Variants in OLFM3 observed in about 807,000 individuals in gnomAD.
The protein encoded by OLFM3 is olfactomedin 3, also known as noelin-3.
A neutral mutation model predicts 48.6 loss-of-function variants in OLFM3; 20 were observed. The observed-to-expected ratio is 0.41, with a 90% CI of 0.29 to 0.60. OLFM3 has a LOEUF of 0.60. Ranked by LOEUF, OLFM3 falls within the 20% of genes least tolerant of loss-of-function variation. The pLI, the probability that OLFM3 is intolerant of heterozygous loss-of-function variation, is 0.28. For missense variants in OLFM3, 437 were observed against 544.3 expected, an observed-to-expected ratio of 0.80 and a Z score of 1.96; for synonymous variants, 222 against 198.1, an observed-to-expected ratio of 1.12 and a Z score of -1.01.
At chr1:101,832,067 T>A (rs1017557831) in intron 2 of OLFM3, among the ~76,000 whole-genome samples, 4 of 152,154 alleles carry the variant, frequency 2.6e-5, no homozygotes, top group African/African-American at 9.7e-5. Context: ...TACGCCTGGC[T>A]AATTTTCGTA....
At chr1:101,812,116 A>G (rs1446843237) in intron 4 of OLFM3, among the ~76,000 whole-genome samples, 3 of 151,712 alleles carry the variant, frequency 2.0e-5, no homozygotes, top group Non-Finnish European at 2.9e-5. Context: ...GTTCTCACTC[A>G]TAGGTGGGAG....
chr1:101,820,914 T>C (rs1654579181), intron 4 of OLFM3, among the ~76,000 whole-genome samples: 2 of 152,134 alleles, frequency 1.3e-5, no homozygotes, highest in Non-Finnish European at 2.9e-5. Flanking sequence ...AGCATTTGTG[T>C]AGAGTGAAGA....
chr1:101,945,017 A>G (rs1276517555), intron 1 of OLFM3, among the ~76,000 whole-genome samples: 2 of 152,242 alleles, frequency 1.3e-5, no homozygotes, highest in Non-Finnish European at 1.5e-5. Flanking sequence ...TTTAGAATAC[A>G]TAAAATTATA....
chr1:101,825,398 G>A (rs570174434), intron 3 of OLFM3, among the ~76,000 whole-genome samples, 153 bp from the exon 4 acceptor site: 12 of 152,220 alleles, frequency 7.9e-5, no homozygotes, highest in African/African-American at 2.6e-4. Context: ...GAAAATTTAA[G>A]CGGTCATGTG....
At chr1:101,926,783 A>T (rs1229506565) in intron 1 of OLFM3, among the ~76,000 whole-genome samples, 2 of 152,158 alleles carry the variant, frequency 1.3e-5, no homozygotes, top group Non-Finnish European at 2.9e-5. Context: ...TACACTTCAC[A>T]ATAGGGTAGA....
chr1:101,890,106 A>G (rs1225882701), intron 1 of OLFM3, among the ~76,000 whole-genome samples: 1 of 152,066 alleles, frequency 6.6e-6, no homozygotes, highest in Non-Finnish European at 1.5e-5. Context: ...ATCTTGGAAA[A>G]TAATAGCTTT....
intron 1 of OLFM3, among the ~76,000 whole-genome samples, chr1:101,992,885 T>C (rs1285960042): frequency 2.0e-5 from 3 of 152,174 alleles, no homozygotes; most frequent in African/African-American, 4.8e-5. Context: ...TGGGTTGCCT[T>C]GGACAGAAAC....
At chr1:101,910,480 AAAAAG>A (rs1461198233) in intron 1 of OLFM3, among the ~76,000 whole-genome samples, 1 of 148,694 alleles carries the variant, frequency 6.7e-6, no homozygotes, top group Non-Finnish European at 1.5e-5. Flanking sequence ...GAAAAAAAAA[AAAAAG>A]AAAGAAGAAA....
At chr1:101,960,531 T>A (rs751002005) in intron 1 of OLFM3, among the ~76,000 whole-genome samples, 4 of 152,184 alleles carry the variant, frequency 2.6e-5, no homozygotes, top group Non-Finnish European at 5.9e-5. Flanking sequence ...TATTTGCCAA[T>A]CATATGAGCT....
At chr1:101,943,210 T>A (rs924434013) in intron 1 of OLFM3, among the ~76,000 whole-genome samples, 6 of 152,212 alleles carry the variant, frequency 3.9e-5, no homozygotes, top group Non-Finnish European at 8.8e-5. Context: ...ATAATCCGGA[T>A]GAGCCTGAAT....
chr1:101,875,048 T>A (rs542482168), intron 1 of OLFM3, among the ~76,000 whole-genome samples: 2 of 152,104 alleles, frequency 1.3e-5, no homozygotes, highest in East Asian at 3.9e-4. Context: ...GACCTCATAG[T>A]CCTGGCTAAA....
chr1:101,816,083 CACT>C (rs1417040643), intron 4 of OLFM3, among the ~76,000 whole-genome samples: 1 of 152,044 alleles, frequency 6.6e-6, no homozygotes, highest in East Asian at 1.9e-4. Context: ...TGAAAAACAC[CACT>C]AAGATGTCTA....
At chr1:101,923,964 G>A (rs2101040990) in intron 1 of OLFM3, among the ~76,000 whole-genome samples, 1 of 152,160 alleles carries the variant, frequency 6.6e-6, no homozygotes, top group South Asian at 2.1e-4. Flanking sequence ...AATGTATTGA[G>A]GATTAAAATT....
At chr1:101,977,044 G>GAT (rs1460806439) in intron 1 of OLFM3, among the ~76,000 whole-genome samples, 3 of 152,050 alleles carry the variant, frequency 2.0e-5, no homozygotes, top group Non-Finnish European at 4.4e-5. Flanking sequence ...AAAATTAGGT[G>GAT]ATAGTAAACT....
chr1:101,818,001 G>T (rs1034348253), intron 4 of OLFM3, among the ~76,000 whole-genome samples: 1 of 152,086 alleles, frequency 6.6e-6, no homozygotes, highest in African/African-American at 2.4e-5. Flanking sequence ...GTTTCTAATG[G>T]TTATCTGGCT....
At chr1:101,914,351 C>T (rs932888840) in intron 1 of OLFM3, among the ~76,000 whole-genome samples, 13 of 152,118 alleles carry the variant, frequency 8.5e-5, no homozygotes, top group African/African-American at 3.1e-4. Flanking sequence ...AAATATCAGT[C>T]TCCGCCAGTA....
At chr1:101,912,208 G>A (rs540651856) in intron 1 of OLFM3, among the ~76,000 whole-genome samples, 37 of 152,232 alleles carry the variant, frequency 2.4e-4, no homozygotes, top group African/African-American at 7.0e-4. Context: ...CTTCTCTACT[G>A]CTATCTTTTG....
intron 1 of OLFM3, among the ~76,000 whole-genome samples, chr1:101,985,303 A>G (rs1233647569): frequency 6.6e-6 from 1 of 152,226 alleles, no homozygotes; most frequent in Non-Finnish European, 1.5e-5. Context: ...TGGTCATGTA[A>G]GTTAACATAT....
At chr1:101,817,262 G>A (rs1654375427) in intron 4 of OLFM3, among the ~76,000 whole-genome samples, 2 of 152,104 alleles carry the variant, frequency 1.3e-5, no homozygotes, top group South Asian at 2.1e-4. Flanking sequence ...AAAGGTGGAT[G>A]GCAAAGAAGG....
Sources: allele counts gnomAD v4.1 joint callset (sites outside exome capture counted in the v4.1 genomes callset), GRCh38; gene constraint gnomAD v4.1.1; transcripts MANE v1.5; gene names NCBI Gene and HGNC (gene_info 2026-07-23, HGNC 2026-07-21).